TGFA: variants seen among roughly 807,000 people sequenced by gnomAD.
The protein encoded by TGFA is transforming growth factor alpha, also known as protransforming growth factor alpha.
TGFA carries 12 observed loss-of-function variants against 21.7 expected under a neutral mutation model. That is an observed-to-expected ratio of 0.55 (90% CI 0.35 to 0.90). The LOEUF (loss-of-function observed/expected upper bound fraction) is 0.90, where lower values mean the gene tolerates loss of function less well. Ranked by LOEUF, TGFA falls within the 40% of genes least tolerant of loss-of-function variation. The pLI is 0.01. For synonymous variants in TGFA, 79 were observed against 88.1 expected (o/e 0.90, Z 0.58); for missense variants, 178 against 210.8 (o/e 0.84, Z 0.96).
intron 3 of TGFA, among the ~76,000 whole-genome samples, chr2:70,464,560 G>A (rs1472534007): frequency 1.3e-5 from 2 of 152,138 alleles, no homozygotes; most frequent in African/African-American, 4.8e-5. Context: ...AGTAGATAGA[G>A]GCCAGGGATA....
chr2:70,545,287 GGAA>G (rs1311816933), intron 1 of TGFA, among the ~76,000 whole-genome samples: 1 of 151,330 alleles, frequency 6.6e-6, no homozygotes, highest in African/African-American at 2.5e-5. Flanking sequence ...AAGAAGAAGA[GGAA>G]GAAGAAGAAA....
intron 2 of TGFA, among the ~76,000 whole-genome samples, chr2:70,488,785 G>A (rs1553497105): frequency 6.6e-6 from 1 of 152,168 alleles, no homozygotes; most frequent in African/African-American, 2.4e-5. Flanking sequence ...TTACAACAAG[G>A]AGTTTTCCTA....
intron 1 of TGFA, among the ~76,000 whole-genome samples, chr2:70,531,308 C>G (rs1050764655): frequency 2.6e-5 from 4 of 152,276 alleles, no homozygotes; most frequent in Non-Finnish European, 5.9e-5. Flanking sequence ...ACATACCAGT[C>G]CACACCCTCA....
intron 1 of TGFA, among the ~76,000 whole-genome samples, chr2:70,531,334 G>C (rs1672808455): frequency 6.6e-6 from 1 of 152,126 alleles, no homozygotes; most frequent in Non-Finnish European, 1.5e-5. Context: ...TCTTTGCCTT[G>C]CTGGGAAGCC....
intron 2 of TGFA, among the ~76,000 whole-genome samples, chr2:70,509,176 G>A (rs1553500637): frequency 6.6e-6 from 1 of 152,192 alleles, no homozygotes; most frequent in East Asian, 1.9e-4. Context: ...TGTAGTACCT[G>A]GGTAGAAAAC....
At chr2:70,547,564 G>A (rs868936562) in intron 1 of TGFA, among the ~76,000 whole-genome samples, 6 of 133,556 alleles carry the variant, frequency 4.5e-5, no homozygotes, top group African/African-American at 1.2e-4. Context: ...AAAAAAACAT[G>A]AAAAACAAAC....
Position 70,454,411 on chromosome 2 carries a change from G to A in TGFA, c.366-1084C>T, listed in dbSNP as rs551888788. ...GCTGCTTATGTTACAGGTGAAAACC[G>A]GGAGCCCAGAGCAGTGTGCCTGGGC... On this transcript the variant is annotated intron_variant, in intron 4 of 5. Transcript: ENST00000295400. Among the ~76,000 whole-genome samples, 6 of 152,366 alleles carry A rather than the reference G, an allele frequency of 3.9e-5. No homozygotes were observed. The East Asian group carries it at 9.6e-4, about 24-fold the overall frequency.
chr2:70,486,402 C>G (rs920640251), intron 2 of TGFA, among the ~76,000 whole-genome samples: 30 of 152,188 alleles, frequency 2.0e-4, no homozygotes, highest in African/African-American at 6.8e-4. Context: ...AACATCTAAG[C>G]AAATTGCAAC....
At chr2:70,497,117 G>T (rs570509349) in intron 2 of TGFA, among the ~76,000 whole-genome samples, 1 of 152,338 alleles carries the variant, frequency 6.6e-6, no homozygotes, top group East Asian at 1.9e-4. Flanking sequence ...CTGGGAAAAA[G>T]AAAGGAGACC....
intron 1 of TGFA, among the ~76,000 whole-genome samples, chr2:70,518,717 C>A (rs1672361780): frequency 6.6e-6 from 1 of 152,166 alleles, no homozygotes. Context: ...CATCAACCAC[C>A]CATTGGCCTG....
chr2:70,523,199 T>G (rs758377036), intron 1 of TGFA, among the ~76,000 whole-genome samples: 1 of 152,172 alleles, frequency 6.6e-6, no homozygotes, highest in African/African-American at 2.4e-5. Flanking sequence ...TACCCTTAAC[T>G]CATTTTGTTG....
intron 2 of TGFA, among the ~76,000 whole-genome samples, chr2:70,480,508 T>A (rs1043501152): frequency 6.6e-6 from 1 of 152,116 alleles, no homozygotes; most frequent in East Asian, 1.9e-4. Context: ...CAAGGGTAGA[T>A]TGGACTAAGG....
At chr2:70,523,184 T>C (rs1672530031) in intron 1 of TGFA, among the ~76,000 whole-genome samples, 1 of 152,166 alleles carries the variant, frequency 6.6e-6, no homozygotes, top group Non-Finnish European at 1.5e-5. Context: ...AATATTTTAT[T>C]TTCCTACCCT....
chr2:70,497,017 G>A lies in TGFA; in HGVS notation c.94+17842C>T, dbSNP rs116597699. Among the ~76,000 whole-genome samples the A allele has an allele frequency of 4.2e-3, 639 of 152,364 alleles. 2 individuals are homozygous for A. Among genetic ancestry groups the A allele is most frequent in the African/African-American group, 0.015 (606 of 41,584 alleles). ...TCTGAGACCCGAAGGACATGAATGA[G>A]TCAGCCACTGGAAAAACTGGGGAAA... On this transcript the variant is annotated intron_variant, in intron 2 of 5. Transcript: ENST00000295400.
At chr2:70,524,492 C>T (rs1201342612) in intron 1 of TGFA, among the ~76,000 whole-genome samples, 4 of 152,240 alleles carry the variant, frequency 2.6e-5, no homozygotes, top group African/African-American at 7.2e-5. Context: ...GGCAACAGGG[C>T]GAGTATCGCC....
intron 2 of TGFA, among the ~76,000 whole-genome samples, chr2:70,511,890 TACACACACACACACACACACACAC>T (rs36084203): frequency 2.1e-5 from 3 of 143,044 alleles, no homozygotes; most frequent in Middle Eastern, 3.5e-3. Flanking sequence ...TAGTCATGAA[TACACACACACACACACACACACAC>T]ACACACACAC....
intron 2 of TGFA, among the ~76,000 whole-genome samples, chr2:70,492,420 G>A (rs1328254195): frequency 3.9e-5 from 6 of 152,168 alleles, no homozygotes; most frequent in African/African-American, 1.4e-4. Flanking sequence ...TTGAGGTCCA[G>A]TGTGGACAAG....
chr2:70,486,604 G>A (rs1553496720), intron 2 of TGFA, among the ~76,000 whole-genome samples: 1 of 152,074 alleles, frequency 6.6e-6, no homozygotes, highest in East Asian at 1.9e-4. Context: ...TGGGACTACA[G>A]GTGCGCGCTA....
At chr2:70,503,487 T>C (rs1221197897) in intron 2 of TGFA, among the ~76,000 whole-genome samples, 1 of 150,328 alleles carries the variant, frequency 6.7e-6, no homozygotes, top group Non-Finnish European at 1.5e-5. Flanking sequence ...GACGAGTTAA[T>C]GGGTGCAGCA....
Sources: allele counts gnomAD v4.1 joint callset (sites outside exome capture counted in the v4.1 genomes callset), GRCh38; gene constraint gnomAD v4.1.1; transcripts MANE v1.5; gene names NCBI Gene and HGNC (gene_info 2026-07-23, HGNC 2026-07-21).